The following NKAIN3 variants were observed in gnomAD, a reference collection of about 807,000 sequenced individuals.
NKAIN3 encodes the protein sodium/potassium-transporting ATPase subunit beta-1-interacting protein 3.
In NKAIN3, 25 loss-of-function variants were observed where a neutral mutation model predicts 30.2. The observed-to-expected ratio is 0.83, with a 90% CI of 0.60 to 1.16. The LOEUF (loss-of-function observed/expected upper bound fraction) is 1.16, where lower values mean the gene tolerates loss of function less well. Ranked by LOEUF, NKAIN3 falls within the 50% of genes most tolerant of loss-of-function variation. The pLI is 0.00. For synonymous variants in NKAIN3, 91 were observed against 89.6 expected, an observed-to-expected ratio of 1.02 and a Z score of -0.09; for missense variants, 225 against 254.1, an observed-to-expected ratio of 0.89 and a Z score of 0.78.
chr8:62,957,772 T>C (rs1190085590), intron 6 of NKAIN3, among the ~76,000 whole-genome samples: 2 of 152,146 alleles, frequency 1.3e-5, no homozygotes, highest in African/African-American at 2.4e-5. Context: ...CTGTATGACA[T>C]TGGAATGATG....
rs560126799 is a variant in NKAIN3, at chr8:62,514,275, T to A, written c.55-65264T>A. On this transcript the variant is annotated intron_variant, in intron 1 of 6. Coordinates refer to ENST00000623646, the MANE Select transcript of NKAIN3 (RefSeq NM_001304533.3). ...GTGAGCTATAGATACTCGTTTTTTT[T>A]AATGTTTTTAGATAATGCCACTAAT... 2.4e-3 allele frequency among the ~76,000 whole-genome samples: 361 copies of A among 152,266 alleles called. 2 individuals carry two copies. Among genetic ancestry groups the A allele is most frequent in the African/African-American group, 7.8e-3 (326 of 41,556 alleles).
At chr8:62,692,843 TC>T (rs1432800493) in intron 3 of NKAIN3, among the ~76,000 whole-genome samples, 1 of 152,186 alleles carries the variant, frequency 6.6e-6, no homozygotes, top group African/African-American at 2.4e-5. Flanking sequence ...TCTATAGCCC[TC>T]CCAGATTCTG....
rs567914679 is a variant in NKAIN3, at chr8:62,686,313, C to T, written c.274-60619C>T. 1.1e-3 allele frequency among the ~76,000 whole-genome samples: 161 copies of T among 152,276 alleles called. 1 individual carries two copies. The South Asian group carries it at 0.026, about 25-fold the overall frequency. On this transcript the variant is annotated intron_variant, in intron 3 of 6. Coordinates refer to ENST00000623646, the MANE Select transcript of NKAIN3 (RefSeq NM_001304533.3). ...TGTCCAAGGTGTCAGACCTATATTG[C>T]GTACTGAAAACTCTCCCTGCCTATT...
intron 3 of NKAIN3, among the ~76,000 whole-genome samples, chr8:62,675,073 T>A (rs1199552780): frequency 3.9e-5 from 6 of 152,346 alleles, no homozygotes; most frequent in Middle Eastern, 3.4e-3. Flanking sequence ...AAGTTAATTA[T>A]ATTTTTCATG....
chr8:62,316,321 G>A (rs900882037), intron 1 of NKAIN3, among the ~76,000 whole-genome samples: 16 of 152,004 alleles, frequency 1.1e-4, no homozygotes, highest in Admixed American at 9.8e-4. Context: ...GGGTACATGT[G>A]CACAAGGTGC....
At chr8:62,660,668 T>C (rs1812917681) in intron 3 of NKAIN3, among the ~76,000 whole-genome samples, 1 of 152,168 alleles carries the variant, frequency 6.6e-6, no homozygotes, top group South Asian at 2.1e-4. Context: ...AGAAATCAAG[T>C]CAAAGGTAGT....
chr8:62,943,197 C>A (rs72656515), intron 5 of NKAIN3, among the ~76,000 whole-genome samples: 3,328 of 151,822 alleles, frequency 0.022, 53 homozygotes, highest in South Asian at 0.034. Context: ...AGGAAAAAAA[C>A]AAACAAACAA....
At chr8:62,738,914 A>C (rs1475320360) in intron 3 of NKAIN3, among the ~76,000 whole-genome samples, 1 of 152,160 alleles carries the variant, frequency 6.6e-6, no homozygotes, top group African/African-American at 2.4e-5. Flanking sequence ...GCACATATAC[A>C]CCATGGAATA....
At chr8:62,460,298 G>A (rs957991340) in intron 1 of NKAIN3, among the ~76,000 whole-genome samples, 1 of 151,822 alleles carries the variant, frequency 6.6e-6, no homozygotes, top group Admixed American at 6.6e-5. Context: ...TGTAATCCCA[G>A]CTACTTGGGA....
intron 3 of NKAIN3, among the ~76,000 whole-genome samples, chr8:62,705,478 A>G (rs1431992632): frequency 6.6e-6 from 1 of 152,206 alleles, no homozygotes; most frequent in Non-Finnish European, 1.5e-5. Flanking sequence ...ACATTTAGCC[A>G]GTCCTCTCTG....
intron 3 of NKAIN3, among the ~76,000 whole-genome samples, chr8:62,660,900 C>T (rs1812924306): frequency 6.6e-6 from 1 of 152,208 alleles, no homozygotes; most frequent in Non-Finnish European, 1.5e-5. Flanking sequence ...TGGGGACCAT[C>T]CCTTGGGTCC....
Position 62,425,699 on chromosome 8 carries a change from G to A in NKAIN3, c.55-153840G>A, listed in dbSNP as rs1029849576. On this transcript the variant is annotated intron_variant, in intron 1 of 6. Transcript: ENST00000623646. ...TATATGCTGAGAGAGTAGTTAATTT[G>A]GCTAGAAAAATTATTTTTTAAAGAA... Among the ~76,000 whole-genome samples, 4 of 151,348 alleles carry A rather than the reference G, an allele frequency of 2.6e-5. No homozygotes were observed. In the East Asian group the frequency reaches 7.7e-4, roughly 29 times the overall value.
At chr8:62,677,090 T>C (rs1364953263) in intron 3 of NKAIN3, among the ~76,000 whole-genome samples, 2 of 152,134 alleles carry the variant, frequency 1.3e-5, no homozygotes, top group Non-Finnish European at 2.9e-5. Context: ...TTTGAATTTT[T>C]TAAATATTCA....
At chr8:62,265,457 G>T (rs1342404875) in intron 1 of NKAIN3, among the ~76,000 whole-genome samples, 1 of 152,138 alleles carries the variant, frequency 6.6e-6, no homozygotes, top group African/African-American at 2.4e-5. Flanking sequence ...TGGAGGCAAA[G>T]AAATAAACTG....
intron 1 of NKAIN3, among the ~76,000 whole-genome samples, chr8:62,573,744 T>C (rs1438194742): frequency 6.6e-6 from 1 of 152,118 alleles, no homozygotes; most frequent in African/African-American, 2.4e-5. Context: ...TTTTAATTTT[T>C]AATTTTGTGG....
chr8:62,814,856 G>A (rs186590308), intron 4 of NKAIN3, among the ~76,000 whole-genome samples: 32 of 152,152 alleles, frequency 2.1e-4, no homozygotes, highest in Admixed American at 1.4e-3. Context: ...TCAAAAGCTC[G>A]CAGAAGACAA....
chr8:62,318,978 T>C lies in NKAIN3; in HGVS notation c.54+69851T>C, dbSNP rs1585673598. 8.5e-5 allele frequency among the ~76,000 whole-genome samples: 13 copies of C among 152,282 alleles called. No homozygotes were observed. In the South Asian group the frequency reaches 2.7e-3, roughly 32 times the overall value. On this transcript the variant is annotated intron_variant, in intron 1 of 6. Coordinates refer to ENST00000623646, the MANE Select transcript of NKAIN3 (RefSeq NM_001304533.3). ...CATCTGGTCCTGGACTTTTTTTGGTTGGTAAGCTATTAATTATTGCTTCAA... is the reference window on the plus strand; with the variant it reads ...CATCTGGTCCTGGACTTTTTTTGGTCGGTAAGCTATTAATTATTGCTTCAA...
intron 3 of NKAIN3, among the ~76,000 whole-genome samples, chr8:62,648,648 T>A (rs1307292028): frequency 6.6e-6 from 1 of 152,124 alleles, no homozygotes; most frequent in Non-Finnish European, 1.5e-5. Flanking sequence ...ACAGAAGGAA[T>A]CCCCTTAACA....
chr8:62,294,233 C>G (rs1452459470), intron 1 of NKAIN3, among the ~76,000 whole-genome samples: 1 of 152,154 alleles, frequency 6.6e-6, no homozygotes, highest in Non-Finnish European at 1.5e-5. Context: ...CACTGTCTGA[C>G]AAGCCCCAGT....
Sources: allele counts gnomAD v4.1 joint callset (sites outside exome capture counted in the v4.1 genomes callset), GRCh38; gene constraint gnomAD v4.1.1; transcripts MANE v1.5; gene names NCBI Gene and HGNC (gene_info 2026-07-23, HGNC 2026-07-21).